The following PIBF1 variants were observed in gnomAD, a reference collection of about 807,000 sequenced individuals.
PIBF1 encodes progesterone immunomodulatory binding factor 1.
PIBF1 carries 90 observed loss-of-function variants against 112.5 expected under a neutral mutation model. That is an observed-to-expected ratio of 0.80 (90% confidence interval 0.67 to 0.95). The LOEUF (loss-of-function observed/expected upper bound fraction) is 0.95. Among genes scored for constraint, PIBF1 ranks in the 40% least tolerant of loss-of-function variants. The pLI is 0.00. For missense variants in PIBF1, 915 were observed against 852.3 expected (o/e 1.07, Z -0.92); for synonymous variants, 301 against 288.6 (o/e 1.04, Z -0.44).
At chr13:72,915,699 A>G (rs1185842487) in intron 12 of PIBF1, among the ~76,000 whole-genome samples, 5 of 152,166 alleles carry the variant, frequency 3.3e-5, no homozygotes, top group Non-Finnish European at 7.4e-5. Context: ...TGGTAATGGC[A>G]TGTATCATCT....
chr13:72,804,263 AAG>A (rs1260813774), intron 5 of PIBF1, among the ~76,000 whole-genome samples: 2 of 152,168 alleles, frequency 1.3e-5, no homozygotes, highest in Non-Finnish European at 2.9e-5. Flanking sequence ...CCAATAATAA[AAG>A]AGTAATAAGA....
chr13:72,943,159 T>C (rs925482002), intron 14 of PIBF1, among the ~76,000 whole-genome samples: 1 of 152,146 alleles, frequency 6.6e-6, no homozygotes, highest in Non-Finnish European at 1.5e-5. Context: ...CAAAAGTCTT[T>C]ACCTTACTAG....
intron 9 of PIBF1, among the ~76,000 whole-genome samples, chr13:72,850,008 A>T (rs1388328278): frequency 6.6e-6 from 1 of 152,258 alleles, no homozygotes; most frequent in African/African-American, 2.4e-5. Flanking sequence ...GTAGAAGAAT[A>T]CATTGAGTTT....
At chr13:72,847,480 C>A (rs906931889) in intron 9 of PIBF1, among the ~76,000 whole-genome samples, 2 of 152,214 alleles carry the variant, frequency 1.3e-5, no homozygotes, top group Non-Finnish European at 2.9e-5. Context: ...GCCAAACTCA[C>A]CCTTTTATAA....
At chr13:72,908,708 A>G (rs2040792282) in intron 12 of PIBF1, 27 bp downstream of exon 12, 1 of 1,579,480 alleles carries the variant, frequency 6.3e-7, no homozygotes, top group Non-Finnish European at 8.6e-7. Context: ...ACACACATGC[A>G]CAACTTTTTT....
At chr13:72,783,354 T>C (rs2034402104) in intron 1 of PIBF1, 69 bp from the exon 2 acceptor site, 1 of 736,282 alleles carries the variant, frequency 1.4e-6, no homozygotes, top group Non-Finnish European at 2.2e-6. Context: ...TTAGTCTCTC[T>C]TTAATACAGT....
rs1034924291 is a variant in PIBF1, at chr13:72,821,875, C to T, written c.699C>T (p.Tyr233=). The T allele has an allele frequency of 5.0e-6, 8 of 1,612,278 alleles. No individual in the cohort carries two copies. Among genetic ancestry groups the T allele is most frequent in the Non-Finnish European group, 5.9e-6 (7 of 1,178,978 alleles). The part of the protein sequence containing the change: ...TETYEEDRKN[Y]SEVQIRCQRL... ...CATATGAGGAAGATCGAAAAAACTA[C>T]TCTGAAGTTCAAATTAGATGTCAAC... Residue 233 remains tyrosine (Y), a synonymous_variant, in exon 6 of 18, where the codon TAC becomes TAT. Coordinates refer to ENST00000326291, the MANE Select transcript of PIBF1 (RefSeq NM_006346.4).
chr13:73,007,041 C>A (rs900701951), intron 17 of PIBF1, among the ~76,000 whole-genome samples: 2 of 150,466 alleles, frequency 1.3e-5, no homozygotes, highest in South Asian at 4.2e-4. Context: ...AATATATATG[C>A]ATATATAGTT....
chr13:72,958,131 A>G (rs2042500211), intron 14 of PIBF1, among the ~76,000 whole-genome samples: 1 of 151,922 alleles, frequency 6.6e-6, no homozygotes, highest in Admixed American at 6.6e-5. Flanking sequence ...TAAAAAAAAA[A>G]AGAATCACGT....
chr13:72,929,273 G>A (rs773561745), intron 13 of PIBF1, among the ~76,000 whole-genome samples: 13 of 152,032 alleles, frequency 8.6e-5, no homozygotes, highest in Non-Finnish European at 1.3e-4. Flanking sequence ...TGGAATCAAC[G>A]GATTTTAAAT....
intron 12 of PIBF1, among the ~76,000 whole-genome samples, chr13:72,910,285 AC>A (rs2040850556): frequency 6.6e-6 from 1 of 152,138 alleles, no homozygotes; most frequent in South Asian, 2.1e-4. Flanking sequence ...GGCTTTAATG[AC>A]TTTTATTGTC....
intron 16 of PIBF1, among the ~76,000 whole-genome samples, chr13:72,989,713 G>A (rs2043410543): frequency 6.6e-6 from 1 of 152,152 alleles, no homozygotes; most frequent in Non-Finnish European, 1.5e-5. Flanking sequence ...TGTTGCATGT[G>A]TCTGTGAATA....
At chr13:72,813,257 G>A (rs112118132) in intron 5 of PIBF1, among the ~76,000 whole-genome samples, 7 of 152,140 alleles carry the variant, frequency 4.6e-5, no homozygotes, top group African/African-American at 1.4e-4. Context: ...GGAAGTAAAG[G>A]GATTCTAGGA....
intron 10 of PIBF1, among the ~76,000 whole-genome samples, chr13:72,871,564 A>G (rs1178952789): frequency 6.6e-6 from 1 of 152,080 alleles, no homozygotes; most frequent in Admixed American, 6.5e-5. Context: ...TCGGCCTCCT[A>G]AAGTGCTGAG....
chr13:72,830,458 C>T (rs1043525093), intron 8 of PIBF1, among the ~76,000 whole-genome samples: 4 of 152,018 alleles, frequency 2.6e-5, no homozygotes, highest in Non-Finnish European at 5.9e-5. Context: ...CCATCAATAC[C>T]CAGTTTATTG....
intron 10 of PIBF1, among the ~76,000 whole-genome samples, chr13:72,887,539 ATC>A (rs1405613027): frequency 1.3e-5 from 2 of 152,138 alleles, no homozygotes; most frequent in East Asian, 1.9e-4. Flanking sequence ...GTAATACTTC[ATC>A]TCTGTTTAGC....
At chr13:72,834,776 G>A (rs1369862609) in intron 8 of PIBF1, among the ~76,000 whole-genome samples, 1 of 152,128 alleles carries the variant, frequency 6.6e-6, no homozygotes, top group Non-Finnish European at 1.5e-5. Context: ...TTGGCTAAAA[G>A]ATCACGGTGT....
intron 14 of PIBF1, among the ~76,000 whole-genome samples, chr13:72,936,325 C>T (rs1165299884): frequency 1.3e-5 from 2 of 152,100 alleles, no homozygotes; most frequent in African/African-American, 4.8e-5. Flanking sequence ...TGTGAGCCAT[C>T]CCACCCAGCC....
At chr13:73,010,403 G>T (rs1258957832) in intron 17 of PIBF1, among the ~76,000 whole-genome samples, 2 of 151,934 alleles carry the variant, frequency 1.3e-5, no homozygotes, top group Admixed American at 1.3e-4. Context: ...AGGAGTTCCA[G>T]ACCAGCCTGG....
Sources: allele counts gnomAD v4.1 joint callset (sites outside exome capture counted in the v4.1 genomes callset), GRCh38; gene constraint gnomAD v4.1.1; transcripts MANE v1.5; gene names NCBI Gene and HGNC (gene_info 2026-07-23, HGNC 2026-07-21).